Variants in WDR64 observed in about 807,000 individuals in gnomAD.
WDR64 encodes WD repeat domain 64.
A neutral mutation model predicts 139.3 loss-of-function variants in WDR64; 112 were observed. The observed-to-expected ratio is 0.80, with a 90% CI of 0.69 to 0.94. The LOEUF (loss-of-function observed/expected upper bound fraction) is 0.94. WDR64 is among the 40% of genes least tolerant of loss of function. WDR64 has a pLI of 0.00. For synonymous variants in WDR64, 444 were observed against 437.7 expected (o/e 1.01, Z -0.18); for missense variants, 1,206 against 1,293.1 (o/e 0.93, Z 1.03).
intron 2 of WDR64, 96 bp downstream of exon 2, chr1:241,660,756 G>A: frequency 7.4e-7 from 1 of 1,346,482 alleles, no homozygotes; most frequent in South Asian, 1.4e-5. Flanking sequence ...CACAGGGGTT[G>A]AACCACAACG....
intron 10 of WDR64, among the ~76,000 whole-genome samples, chr1:241,737,174 T>C (rs1020192087): frequency 2.6e-5 from 4 of 152,148 alleles, no homozygotes; most frequent in Admixed American, 6.5e-5. Context: ...TCCTCCAAAA[T>C]TGGCATTTTC....
chr1:241,795,115 T>A, intron 25 of WDR64, 92 bp from the exon 26 acceptor site: 1 of 1,076,866 alleles, frequency 9.3e-7, no homozygotes, highest in Admixed American at 2.0e-5. Context: ...ATCACACATC[T>A]AATAAGTGAC....
intron 8 of WDR64, among the ~76,000 whole-genome samples, chr1:241,706,615 T>C (rs1185792982): frequency 1.3e-5 from 2 of 152,264 alleles, no homozygotes; most frequent in Non-Finnish European, 2.9e-5. Flanking sequence ...GATAGAAGGA[T>C]AACTACTTAC....
At chr1:241,693,561 C>A (rs2148129713) in intron 8 of WDR64, among the ~76,000 whole-genome samples, 1 of 152,244 alleles carries the variant, frequency 6.6e-6, no homozygotes, top group African/African-American at 2.4e-5. Context: ...GGTTTATAAT[C>A]TTGTGTCCAT....
intron 9 of WDR64, 55 bp from the exon 10 acceptor site, chr1:241,723,242 T>C (rs934989146): frequency 1.2e-6 from 2 of 1,603,532 alleles, no homozygotes; most frequent in South Asian, 1.1e-5. Context: ...AGAGATACAT[T>C]TGAAACTCTG....
At chr1:241,799,985 A>G (rs1659475041) in intron 27 of WDR64, among the ~76,000 whole-genome samples, 2 of 152,342 alleles carry the variant, frequency 1.3e-5, no homozygotes, top group East Asian at 3.9e-4. Flanking sequence ...TGTAAGATCC[A>G]TGAAGGCAGA....
At chr1:241,795,082 A>G (rs1211460983) in intron 25 of WDR64, 125 bp from the exon 26 acceptor site, 8 of 715,458 alleles carry the variant, frequency 1.1e-5, no homozygotes, top group Non-Finnish European at 1.9e-5. Context: ...TCTCATAACT[A>G]GGTAACAGGG....
chr1:241,799,520 T>C (rs1423110822), intron 27 of WDR64, among the ~76,000 whole-genome samples: 1 of 152,184 alleles, frequency 6.6e-6, no homozygotes, highest in Non-Finnish European at 1.5e-5. Context: ...AGTATGATAT[T>C]GTGCATTTGC....
intron 10 of WDR64, among the ~76,000 whole-genome samples, chr1:241,735,855 CTGT>C (rs1669301107): frequency 1.4e-5 from 1 of 71,610 alleles, no homozygotes; most frequent in African/African-American, 4.7e-5. Context: ...CTCTCTCTCT[CTGT>C]GTGTGTGTGT....
intron 9 of WDR64, among the ~76,000 whole-genome samples, chr1:241,713,485 GAAA>G (rs1668273687): frequency 8.1e-6 from 1 of 122,756 alleles, no homozygotes; most frequent in South Asian, 2.9e-4. Context: ...GGAAGGGAAA[GAAA>G]GAAGGAACGG....
chr1:241,745,432 G>A (rs1234896326), intron 13 of WDR64, among the ~76,000 whole-genome samples: 1 of 144,234 alleles, frequency 6.9e-6, no homozygotes, highest in Non-Finnish European at 1.5e-5. Flanking sequence ...AAATGTGGTT[G>A]TTGAGATTCT....
chr1:241,659,965 A>C (rs750939849), intron 1 of WDR64, among the ~76,000 whole-genome samples: 4 of 152,098 alleles, frequency 2.6e-5, no homozygotes, highest in Non-Finnish European at 5.9e-5. Context: ...TGGTATCTTC[A>C]TCATGAAATC....
At chr1:241,669,266 A>G (rs1666134482) in intron 2 of WDR64, among the ~76,000 whole-genome samples, 1 of 152,140 alleles carries the variant, frequency 6.6e-6, no homozygotes, top group Non-Finnish European at 1.5e-5. Context: ...GGACCACCTG[A>G]CTCCACAGCA....
In WDR64 at chr1:241,674,563, T is replaced by C. The variant is rs1666389901; in HGVS notation, c.380-81T>C. 7.7e-6 allele frequency: 7 copies of C among 908,586 alleles called. No homozygotes were observed. In the Admixed American group the frequency reaches 8.0e-5, roughly 10 times the overall value. The allele number at this position is 908,586 out of a possible 1,614,324, so 56.3% of individuals were successfully genotyped here. On this transcript the variant is annotated intron_variant, in intron 3 of 27. Transcript: ENST00000437684. The stretch of plus-strand genomic sequence containing the variant: ...AGCCACTTGTGCCCTGGCCATATCA[T>C]TTTTTAAAAAAACAAATCTAACAAA...
intron 20 of WDR64, among the ~76,000 whole-genome samples, chr1:241,773,805 T>G (rs928993698): frequency 1.3e-5 from 2 of 152,212 alleles, no homozygotes; most frequent in Non-Finnish European, 2.9e-5. Context: ...TTCAAAATAT[T>G]CAAATCTTTC....
rs186420997 is a variant in WDR64, at chr1:241,741,787, G to A, written c.1470+123G>A. The stretch of plus-strand genomic sequence containing the variant: ...GCACATACGATGAGACCATACATTA[G>A]AATGATTTTTAAGCTTCCATGAGTA... On this transcript the variant is annotated intron_variant, in intron 12 of 27. Transcript: ENST00000437684. The A allele has an allele frequency of 2.0e-4, 208 of 1,057,478 alleles. No homozygotes were observed. The African/African-American group carries it at 3.1e-3, about 16-fold the overall frequency. 65.5% of individuals were successfully genotyped at this position (1,057,478 alleles called of 1,614,324 possible).
intron 9 of WDR64, among the ~76,000 whole-genome samples, chr1:241,716,596 C>T (rs2148186174): frequency 6.6e-6 from 1 of 151,900 alleles, no homozygotes; most frequent in African/African-American, 2.4e-5. Context: ...CATTTAAAGC[C>T]TAATAGTGTA....
At chr1:241,772,147 C>T (rs1658478506) in intron 19 of WDR64, among the ~76,000 whole-genome samples, 1 of 148,862 alleles carries the variant, frequency 6.7e-6, no homozygotes. Flanking sequence ...AAAACTTATA[C>T]TGCATTTATA....
rs1374933461 is a variant in WDR64 at position 241,726,272 on chromosome 1, T to TAAA, written c.1194+2841_1194+2843dup. Among the ~76,000 whole-genome samples, 4 of 151,572 alleles carry TAAA rather than the reference T, an allele frequency of 2.6e-5. No homozygotes were observed. The South Asian group carries it at 8.3e-4, about 32-fold the overall frequency. ...AAAATACATTAATAAAATTAATTTT[T>TAAA]AAAAAAAGAGCAAGGGACTGCATGT... On this transcript the variant is annotated intron_variant, in intron 10 of 27. Transcript: ENST00000437684.
Sources: allele counts gnomAD v4.1 joint callset (sites outside exome capture counted in the v4.1 genomes callset), GRCh38; gene constraint gnomAD v4.1.1; transcripts MANE v1.5; gene names NCBI Gene and HGNC (gene_info 2026-07-23, HGNC 2026-07-21).